The following MCFD2 variants were observed in gnomAD, a reference collection of about 807,000 sequenced individuals.
The protein encoded by MCFD2 is multiple coagulation factor deficiency 2, ER cargo receptor complex subunit.
A neutral mutation model predicts 12.8 loss-of-function variants in MCFD2; 11 were observed. That is an observed-to-expected ratio of 0.86 (90% CI 0.54 to 1.42). MCFD2 has a LOEUF of 1.42. Ranked by LOEUF, MCFD2 falls within the 40% of genes most tolerant of loss-of-function variation. MCFD2 has a pLI of 0.00. For missense variants in MCFD2, 191 were observed against 178.6 expected (o/e 1.07, Z -0.40); for synonymous variants, 70 against 68.1 (o/e 1.03, Z -0.14).
chr2:46,910,124 C>A (rs999179627), intron 1 of MCFD2, among the ~76,000 whole-genome samples: 1 of 152,148 alleles, frequency 6.6e-6, no homozygotes, highest in African/African-American at 2.4e-5. Context: ...AGGATGCCAT[C>A]AGGAACTCCC....
intron 1 of MCFD2, among the ~76,000 whole-genome samples, chr2:46,910,333 A>C (rs1251752746): frequency 3.3e-5 from 5 of 152,166 alleles, no homozygotes; most frequent in Admixed American, 1.3e-4. Context: ...AAGGTGAAGG[A>C]CAGCCAGGTG....
At chr2:46,928,726 C>T (rs1342486877) in intron 1 of MCFD2, among the ~76,000 whole-genome samples, 1 of 151,580 alleles carries the variant, frequency 6.6e-6, no homozygotes, top group African/African-American at 2.4e-5. Context: ...GCTGTGATTG[C>T]ACTACTGCAC....
chr2:46,917,391 C>T, upstream of MCFD2: 1 of 577,118 alleles, frequency 1.7e-6, no homozygotes, highest in Non-Finnish European at 3.1e-6. Flanking sequence ...CTAGTTCCTC[C>T]TTCTACCCTG....
In MCFD2 at chr2:46,907,679, G is replaced by A. The variant is rs571131739; in HGVS notation, c.309+131C>T. ...CCCAAAGTGCTGGGATTACAGATGC[G>A]AGCCATCATGCCCAGTGGAGAAGCA... On this transcript the variant is annotated intron_variant, in intron 3 of 3. Coordinates refer to ENST00000319466, the MANE Select transcript of MCFD2 (RefSeq NM_139279.6). This position sits in a 1 kb window ranked among gnomAD's most constrained non-coding sequence, Gnocchi z 4.1. 2.3e-5 allele frequency: 23 copies of A among 1,007,016 alleles called. No individual in the cohort carries two copies. In the South Asian group the frequency reaches 2.8e-4, roughly 12 times the overall value. 62.4% of individuals were successfully genotyped at this position (1,007,016 alleles called of 1,614,324 possible).
Position 46,907,458 on chromosome 2 carries a change from C to T in MCFD2, c.309+352G>A. 3.1e-6 allele frequency: 1 copy of T among 321,364 alleles called. No individual in the cohort carries two copies. The highest frequency in any genetic ancestry group is 2.9e-5 in the South Asian group (1 of 34,514). 19.9% of individuals were successfully genotyped at this position (321,364 alleles called of 1,614,324 possible). A position where few individuals can be genotyped will look rare whatever the true frequency, so the allele number is the denominator to read the frequency against. On this transcript the variant is annotated intron_variant, in intron 3 of 3. Coordinates refer to ENST00000319466, the MANE Select transcript of MCFD2 (RefSeq NM_139279.6). The surrounding 1 kb of genome is among the most constrained non-coding windows in gnomAD (Gnocchi z 4.1). ...GAAGTGCGGTGGCATGATTATGGCT[C>T]ACTATAGCCTCGACATCCTGGACTC...
chr2:46,920,765 T>G (rs1669062827), upstream of MCFD2, among the ~76,000 whole-genome samples: 4 of 152,140 alleles, frequency 2.6e-5, no homozygotes, highest in Non-Finnish European at 5.9e-5. Flanking sequence ...CAAAGGCATT[T>G]TCATGATGAA....
chr2:46,927,437 G>A (rs1430050885), intron 1 of MCFD2, among the ~76,000 whole-genome samples: 1 of 149,700 alleles, frequency 6.7e-6, no homozygotes, highest in African/African-American at 2.5e-5. Flanking sequence ...GCTCACTGCA[G>A]GCTCCACCTC....
chr2:46,917,536 A>C (rs961110441), upstream of MCFD2, among the ~76,000 whole-genome samples: 1 of 152,222 alleles, frequency 6.6e-6, no homozygotes, highest in African/African-American at 2.4e-5. Flanking sequence ...CAAATAAGAC[A>C]AATGAAGTGT....
chr2:46,919,593 A>T (rs10495940), upstream of MCFD2, among the ~76,000 whole-genome samples: 4 of 152,158 alleles, frequency 2.6e-5, no homozygotes, highest in African/African-American at 9.7e-5. Flanking sequence ...GAAATTGATC[A>T]GAAGTCTAAC....
At position 46,932,565 on chromosome 2, in the gene MCFD2, A is replaced by G. The variant is rs1238276696; in HGVS notation, c.-8+9007T>C. 2.0e-5 allele frequency among the ~76,000 whole-genome samples: 3 copies of G among 152,118 alleles called. No homozygotes were observed. The South Asian group carries it at 6.2e-4, about 31-fold the overall frequency. On this transcript the variant is annotated intron_variant, in intron 1 of 2. Transcript: ENST00000409147. ...CAACAAAAAATGTTTTTAAAAGAGA[A>G]GAAAAAGAGGAAGAAAAGAAAGAGA...
chr2:46,912,061 G>T (rs1230812165), intron 1 of MCFD2, among the ~76,000 whole-genome samples: 1 of 152,086 alleles, frequency 6.6e-6, no homozygotes, highest in East Asian at 1.9e-4. Flanking sequence ...CTTGGCCAGG[G>T]ACAGTGGCTC....
In MCFD2 at chr2:46,937,507, G is replaced by C. The variant is rs963576049; in HGVS notation, c.-8+4065C>G. ...TTGTTTTAGGAACATATCATCCAGA[G>C]CAGCCAGATTTATAGCAATTCATTT... is the stretch of plus-strand genomic sequence containing the variant. On this transcript the variant is annotated intron_variant, in intron 1 of 2. Transcript: ENST00000409147. This position sits in a 1 kb window ranked among gnomAD's most constrained non-coding sequence, Gnocchi z 4.0. Among the ~76,000 whole-genome samples, 1 of 152,212 alleles carries C rather than the reference G, an allele frequency of 6.6e-6. No homozygotes were observed. Among genetic ancestry groups the C allele is most frequent in the East Asian group, 1.9e-4 (1 of 5,202 alleles).
chr2:46,922,683 T>TC (rs1170538188), intron 1 of MCFD2, among the ~76,000 whole-genome samples: 3 of 151,824 alleles, frequency 2.0e-5, no homozygotes, highest in Non-Finnish European at 2.9e-5. Flanking sequence ...TTTCTCCCAT[T>TC]CTCTCACTCA....
chr2:46,916,031 G>A, upstream of MCFD2: 2 of 985,406 alleles, frequency 2.0e-6, no homozygotes, highest in African/African-American at 1.7e-5. Flanking sequence ...GCCGCTGGAC[G>A]CCCTAGGGGC....
chr2:46,905,502 T>A lies in MCFD2; in HGVS notation c.402A>T (p.Gly134=). 1 of 1,613,092 alleles carries A rather than the reference T, an allele frequency of 6.2e-7. No individual in the cohort carries two copies. The highest frequency in any genetic ancestry group is 8.5e-7 in the Non-Finnish European group (1 of 1,179,792). ...VLRDDDKNND[G]YIDYAEFAKS... Reference sequence around the variant, plus strand: ...TTGCAAATTCAGCATAGTCAATGTATCCATCATTGTTCTTGTCATCATCTC... The same window carrying A: ...TTGCAAATTCAGCATAGTCAATGTAACCATCATTGTTCTTGTCATCATCTC... The change falls in exon 4 of 4, where the codon GGA becomes GGT. Residue 134 remains glycine, a synonymous_variant. Transcript: ENST00000319466.
chr2:46,937,876 CAA>C lies in MCFD2; in HGVS notation c.-8+3694_-8+3695del, dbSNP rs1670059708. Among the ~76,000 whole-genome samples, 1 of 152,054 alleles carries C rather than the reference CAA, an allele frequency of 6.6e-6. No homozygotes were observed. The highest frequency in any genetic ancestry group is 1.5e-5 in the Non-Finnish European group (1 of 68,040). ...AAATGTGCTGTAATTAGTTCTTTGT[CAA>C]GAGAGAAGTCTGTTCAGCAGGTCAT... On this transcript the variant is annotated intron_variant, in intron 1 of 2. Transcript: ENST00000409147. The surrounding 1 kb of genome is among the most constrained non-coding windows in gnomAD (Gnocchi z 4.0).
At position 46,904,659 on chromosome 2, in the gene MCFD2, C is replaced by G. The variant is rs903347385; in HGVS notation, c.*804G>C. 6.6e-6 allele frequency: 1 copy of G among 152,386 alleles called. No individual in the cohort carries two copies. The highest frequency in any genetic ancestry group is 2.4e-5 in the African/African-American group (1 of 41,438). 9.4% of individuals were successfully genotyped at this position (152,386 alleles called of 1,614,324 possible). On this transcript the variant is annotated 3_prime_UTR_variant, in exon 4 of 4. Coordinates refer to ENST00000319466, the MANE Select transcript of MCFD2 (RefSeq NM_139279.6). The stretch of plus-strand genomic sequence containing the variant: ...TGGAACAGCCGTCTTTAATCAATAC[C>G]TGTACCCCTGTTGGTATCTAGGAAG...
At chr2:46,931,452 A>G (rs1466914528) in intron 1 of MCFD2, among the ~76,000 whole-genome samples, 1 of 152,198 alleles carries the variant, frequency 6.6e-6, no homozygotes, top group Admixed American at 6.5e-5. Flanking sequence ...TGAGATGGGG[A>G]GATTATCTTG....
chr2:46,924,870 G>A (rs1041826640), intron 1 of MCFD2, among the ~76,000 whole-genome samples: 1 of 152,252 alleles, frequency 6.6e-6, no homozygotes, highest in Non-Finnish European at 1.5e-5. Flanking sequence ...CAAGCAATCT[G>A]CCTGCCTTGG....
Sources: allele counts gnomAD v4.1 joint callset (sites outside exome capture counted in the v4.1 genomes callset), GRCh38; gene constraint gnomAD v4.1.1; non-coding constraint Gnocchi (gnomAD v3.1); transcripts MANE v1.5; gene names NCBI Gene and HGNC (gene_info 2026-07-23, HGNC 2026-07-21).